Variants in TMEM186 observed in about 807,000 individuals in gnomAD.
The protein encoded by TMEM186 is transmembrane protein 186.
TMEM186 carries 2 observed loss-of-function variants against 2.5 expected under a neutral mutation model. The observed-to-expected ratio is 0.79, with a 90% CI of 0.32 to 2.50. TMEM186 has a LOEUF of 2.50. Among genes scored for constraint, TMEM186 ranks in the 30% most tolerant of loss-of-function variants. TMEM186 has a pLI of 0.11. For missense variants in TMEM186, 321 were observed against 276.5 expected (o/e 1.16, Z -1.14); for synonymous variants, 120 against 104.9 (o/e 1.14, Z -0.88).
rs976232624 is a variant in TMEM186, at chr16:8,797,465, C to G, written c.3+147G>C. On this transcript the variant is annotated intron_variant, in intron 1 of 1. Transcript: ENST00000333050. ...TGACCCAAGGAGGGCAAGAGAAAGC[C>G]CGGGAAAAGCGAACTGTAACACACG... 15 of 1,091,416 alleles carry G rather than the reference C, an allele frequency of 1.4e-5. No homozygotes were observed. In the African/African-American group the frequency reaches 1.9e-4, roughly 14 times the overall value. The allele number at this position is 1,091,416 out of a possible 1,614,324, so 67.6% of individuals were successfully genotyped here.
Position 8,795,879 on chromosome 16 carries a change from C to A in TMEM186, c.*73G>T. On this transcript the variant is annotated 3_prime_UTR_variant, in exon 2 of 2. Transcript: ENST00000333050. Reference sequence around the variant, plus strand: ...CAAGTACCCAGTCCCCTTTCTTCAGCCTTGCCCACACCCTCAGCCTTCCTG... The same window carrying A: ...CAAGTACCCAGTCCCCTTTCTTCAGACTTGCCCACACCCTCAGCCTTCCTG... 6.5e-7 allele frequency: 1 copy of A among 1,530,832 alleles called. No homozygotes were observed. Among genetic ancestry groups the A allele is most frequent in the Non-Finnish European group, 8.8e-7 (1 of 1,133,962 alleles). 94.8% of individuals were successfully genotyped at this position (1,530,832 alleles called of 1,614,324 possible). A position where few individuals can be genotyped will look rare whatever the true frequency, so the allele number is the denominator to read the frequency against.
chr16:8,796,639 A>C, intron 1 of TMEM186, 49 bp from the exon 2 acceptor site: 1 of 1,584,248 alleles, frequency 6.3e-7, no homozygotes, highest in South Asian at 1.1e-5. Context: ...CAACCACATT[A>C]ATCACACGGT....
chr16:8,796,150 CCAG>C lies in TMEM186; in HGVS notation c.441_443del (p.Phe147_Trp148delinsLeu). On this transcript the variant is annotated inframe_deletion, in exon 2 of 2. Transcript: ENST00000333050. ...GACAGTATGTGTCCTGCCGCCAGCC[CCAG>C]AAGTTCAGATGGGCCACCCGCAGCA... The C allele has an allele frequency of 6.2e-7, 1 of 1,614,180 alleles. No individual in the cohort carries two copies. The highest frequency in any genetic ancestry group is 2.2e-5 in the East Asian group (1 of 44,884).
rs145394389 is a variant in TMEM186, at chr16:8,797,592, C to T, written c.3+20G>A. 107 of 1,602,156 alleles carry T rather than the reference C, an allele frequency of 6.7e-5. No homozygotes were observed. In the South Asian group the frequency reaches 7.3e-4, roughly 11 times the overall value. ...CCCAAAGAGCATCACCCCCTCAAGG[C>T]TCGCCACCCGCCTCCTTACCATGGC... On this transcript the variant is annotated intron_variant, in intron 1 of 1. Coordinates refer to ENST00000333050, the MANE Select transcript of TMEM186 (RefSeq NM_015421.4).
chr16:8,795,889 A>G lies in TMEM186; in HGVS notation c.*63T>C. On this transcript the variant is annotated 3_prime_UTR_variant, in exon 2 of 2. Transcript: ENST00000333050. ...GTCCCCTTTCTTCAGCCTTGCCCAC[A>G]CCCTCAGCCTTCCTGTTAATCCAGG... 5.2e-6 allele frequency: 8 copies of G among 1,547,058 alleles called. No homozygotes were observed. Among genetic ancestry groups the G allele is most frequent in the Non-Finnish European group, 5.2e-6 (6 of 1,144,362 alleles).
chr16:8,796,183 G>A lies in TMEM186; in HGVS notation c.411C>T (p.Gly137=). ...TCAGATGGGCCACCCGCAGCATGGT[G>A]CCAGACTCATTCAGATACAGGATAC... The part of the protein sequence containing the change: ...LVGILYLNES[G]TMLRVAHLNF... The change falls in exon 2 of 2, where the codon GGC becomes GGT. Residue 137 remains glycine, a synonymous_variant. Coordinates refer to ENST00000333050, the MANE Select transcript of TMEM186 (RefSeq NM_015421.4). The A allele has an allele frequency of 6.2e-7, 1 of 1,614,196 alleles. No individual in the cohort carries two copies. The highest frequency in any genetic ancestry group is 8.5e-7 in the Non-Finnish European group (1 of 1,180,040).
chr16:8,797,183 C>A (rs1028603178), intron 1 of TMEM186, among the ~76,000 whole-genome samples: 7 of 152,090 alleles, frequency 4.6e-5, no homozygotes, highest in African/African-American at 1.7e-4. Flanking sequence ...GGAGAAGGAG[C>A]GAGGCAGGGA....
chr16:8,796,170 C>T lies in TMEM186; in HGVS notation c.424G>A (p.Val142Met). The T allele has an allele frequency of 6.2e-7, 1 of 1,614,226 alleles. No individual in the cohort carries two copies. The highest frequency in any genetic ancestry group is 8.5e-7 in the Non-Finnish European group (1 of 1,180,040). The change falls in exon 2 of 2, where the codon GTG becomes ATG. Residue 142 changes from valine (V) to methionine (M), a missense_variant. Coordinates refer to ENST00000333050, the MANE Select transcript of TMEM186 (RefSeq NM_015421.4). ...YLNESGTMLR[V>M]AHLNFWGWRQ... ...CAGCCCCAGAAGTTCAGATGGGCCA[C>T]CCGCAGCATGGTGCCAGACTCATTC... is the stretch of plus-strand genomic sequence containing the variant.
rs1393157267 is a variant in TMEM186 at position 8,795,785 on chromosome 16, A to G, written c.*167T>C. On this transcript the variant is annotated 3_prime_UTR_variant, in exon 2 of 2. Coordinates refer to ENST00000333050, the MANE Select transcript of TMEM186 (RefSeq NM_015421.4). ...CTTAGAGCCTTTTTCCTAAACCTGTACACCAGCTCTTGCCTTGTGAATTTA... is the reference window on the plus strand; with the variant it reads ...CTTAGAGCCTTTTTCCTAAACCTGTGCACCAGCTCTTGCCTTGTGAATTTA... 4.9e-6 allele frequency: 4 copies of G among 816,826 alleles called. No homozygotes were observed. Among genetic ancestry groups the G allele is most frequent in the Non-Finnish European group, 7.9e-6 (4 of 506,320 alleles). 50.6% of individuals were successfully genotyped at this position (816,826 alleles called of 1,614,324 possible). A position where few individuals can be genotyped will look rare whatever the true frequency, so the allele number is the denominator to read the frequency against.
rs944114213 is a variant in TMEM186 at position 8,796,203 on chromosome 16, G to A, written c.391C>T (p.Leu131=). The A allele has an allele frequency of 1.2e-5, 20 of 1,614,198 alleles. No homozygotes were observed. The highest frequency in any genetic ancestry group is 1.7e-5 in the Admixed American group (1 of 60,018). ...SYFLRRLVGI[L]YLNESGTMLR... ...ATGGTGCCAGACTCATTCAGATACA[G>A]GATACCAACCAGTCTCCGTAAGAAA... Residue 131 remains leucine, a synonymous_variant, in exon 2 of 2, where the codon CTG becomes TTG. Transcript: ENST00000333050.
In TMEM186 at chr16:8,795,623, C is replaced by T. The variant is rs538685669; in HGVS notation, c.*329G>A. ...CTCCAAATCTTACGCTCCCCCGCCA[C>T]ACCTCTTTGCCTTTCTCTTTCACAC... On this transcript the variant is annotated 3_prime_UTR_variant, in exon 2 of 2. Coordinates refer to ENST00000333050, the MANE Select transcript of TMEM186 (RefSeq NM_015421.4). The T allele has an allele frequency of 4.2e-6, 1 of 235,642 alleles. No homozygotes were observed. The highest frequency in any genetic ancestry group is 2.2e-5 in the African/African-American group (1 of 44,852). The allele number at this position is 235,642 out of a possible 1,614,324, so 14.6% of individuals were successfully genotyped here.
In TMEM186 at chr16:8,795,826, A is replaced by G. The variant is rs889945661; in HGVS notation, c.*126T>C. 3.9e-5 allele frequency: 45 copies of G among 1,145,810 alleles called. No individual in the cohort carries two copies. Among genetic ancestry groups the G allele is most frequent in the Admixed American group, 2.3e-5 (1 of 43,614 alleles). 71.0% of individuals were successfully genotyped at this position (1,145,810 alleles called of 1,614,324 possible). ...TGTGAATTTATTCACCACAAAACAC[A>G]TGTTCCCAGGGGCCCAGGCAAAGTC... is the stretch of plus-strand genomic sequence containing the variant. On this transcript the variant is annotated 3_prime_UTR_variant, in exon 2 of 2. Transcript: ENST00000333050.
Position 8,796,585 on chromosome 16 carries a change from G to C in TMEM186, c.9C>G (p.Ala3=). 1 of 1,611,710 alleles carries C rather than the reference G, an allele frequency of 6.2e-7. No individual in the cohort carries two copies. The highest frequency in any genetic ancestry group is 1.7e-5 in the Admixed American group (1 of 60,008). Residue 3 remains alanine (A), a synonymous_variant, in exon 2 of 2, where the codon GCC becomes GCG. Transcript: ENST00000333050. ...GAAACCTACGCACAGCTCGGAGAAGGGCAGCCTGAAAGGGAGACAGTAGAC... is the reference window on the plus strand; with the variant it reads ...GAAACCTACGCACAGCTCGGAGAAGCGCAGCCTGAAAGGGAGACAGTAGAC... MA[A]LLRAVRRFRG...
Position 8,796,646 on chromosome 16 carries a change from C to A in TMEM186, c.4-56G>T, listed in dbSNP as rs181339904. The A allele has an allele frequency of 5.7e-6, 9 of 1,570,626 alleles. No homozygotes were observed. In the African/African-American group the frequency reaches 6.7e-5, roughly 12 times the overall value. The stretch of plus-strand genomic sequence containing the variant: ...ATGGAACTCAACCACATTAATCACA[C>A]GGTGAACATCTGCAAAGCACCATAC... On this transcript the variant is annotated intron_variant, in intron 1 of 1. Coordinates refer to ENST00000333050, the MANE Select transcript of TMEM186 (RefSeq NM_015421.4).
At chr16:8,796,660 A>C (rs1298807000) in intron 1 of TMEM186, 70 bp from the exon 2 acceptor site, 1 of 1,541,404 alleles carries the variant, frequency 6.5e-7, no homozygotes, top group Admixed American at 1.9e-5. Context: ...GAACATCTGC[A>C]AAGCACCATA....
At chr16:8,797,435 G>T (rs1041135296) in intron 1 of TMEM186, among the ~76,000 whole-genome samples, 177 bp downstream of exon 1, 2 of 114,848 alleles carry the variant, frequency 1.7e-5, no homozygotes, top group African/African-American at 6.8e-5. Flanking sequence ...ACTACTGTGC[G>T]CATGTGACCC....
chr16:8,796,167 C>A lies in TMEM186; in HGVS notation c.427G>T (p.Ala143Ser), dbSNP rs140497439. The change falls in exon 2 of 2, where the codon GCC (alanine) becomes TCC (serine). Residue 143 changes from alanine to serine, a missense_variant. Physicochemically the swap from Ala to Ser is moderately conservative, Grantham distance 99. Coordinates refer to ENST00000333050, the MANE Select transcript of TMEM186 (RefSeq NM_015421.4). The part of the protein sequence containing the change: ...LNESGTMLRV[A>S]HLNFWGWRQD... ...CGCCAGCCCCAGAAGTTCAGATGGG[C>A]CACCCGCAGCATGGTGCCAGACTCA... The A allele has an allele frequency of 3.5e-5, 56 of 1,614,212 alleles. No individual in the cohort carries two copies. In the African/African-American group the frequency reaches 6.5e-4, roughly 19 times the overall value.
rs953091541 is a variant in TMEM186 at position 8,797,522 on chromosome 16, C to T, written c.3+90G>A. 7 of 1,495,502 alleles carry T rather than the reference C, an allele frequency of 4.7e-6. No homozygotes were observed. In the African/African-American group the frequency reaches 7.0e-5, roughly 15 times the overall value. 92.6% of individuals were successfully genotyped at this position (1,495,502 alleles called of 1,614,324 possible). ...CTTCCTCCCACGGATCCTCGGAGTC[C>T]GAAACCCGAGCGTCGGGCCTGCCCG... On this transcript the variant is annotated intron_variant, in intron 1 of 1. Transcript: ENST00000333050.
chr16:8,797,534 G>A (rs2060584512), intron 1 of TMEM186, 78 bp downstream of exon 1: 3 of 1,523,688 alleles, frequency 2.0e-6, no homozygotes, highest in African/African-American at 1.4e-5. Context: ...AAACCCGAGC[G>A]TCGGGCCTGC....
Sources: allele counts gnomAD v4.1 joint callset (sites outside exome capture counted in the v4.1 genomes callset), GRCh38; gene constraint gnomAD v4.1.1; transcripts MANE v1.5; gene names NCBI Gene and HGNC (gene_info 2026-07-23, HGNC 2026-07-21).